CEP295: variants seen among roughly 807,000 people sequenced by gnomAD.
The protein encoded by CEP295 is centrosomal protein of 295 kDa.
CEP295 carries 190 observed loss-of-function variants against 291.6 expected under a neutral mutation model. That is an observed-to-expected ratio of 0.65 (90% CI 0.58 to 0.73). CEP295 has a LOEUF of 0.73. Among genes scored for constraint, CEP295 ranks in the 30% least tolerant of loss-of-function variants. The probability of loss-of-function intolerance (pLI) is 0.00; values close to 1 mark genes in which losing one functional copy is unlikely to be tolerated. For synonymous variants in CEP295, 993 were observed against 1,038.8 expected (o/e 0.96, Z 0.85); for missense variants, 2,863 against 2,949.4 (o/e 0.97, Z 0.68).
At chr11:93,704,882 A>C (rs1233289594) in intron 17 of CEP295, among the ~76,000 whole-genome samples, 1 of 152,182 alleles carries the variant, frequency 6.6e-6, no homozygotes, top group Non-Finnish European at 1.5e-5. Context: ...CTTTTCAAGT[A>C]TTTTAAGTAT....
intron 17 of CEP295, among the ~76,000 whole-genome samples, chr11:93,706,279 T>G (rs1372367345): frequency 6.6e-6 from 1 of 152,156 alleles, no homozygotes; most frequent in African/African-American, 2.4e-5. Context: ...AAATATAACC[T>G]TCAAAGAGGT....
At chr11:93,728,624 AG>A (rs1369948958) in intron 24 of CEP295, 56 bp from the exon 25 acceptor site, 1 of 1,436,578 alleles carries the variant, frequency 7.0e-7, no homozygotes, top group Non-Finnish European at 9.2e-7. Context: ...CAAAACGATT[AG>A]TTTAAGTCTT....
chr11:93,728,761 G>A lies in CEP295; in HGVS notation c.7242G>A (p.Met2414Ile). The change falls in exon 25 of 30, where the codon ATG (methionine) becomes ATA (isoleucine). Residue 2414 changes from methionine to isoleucine, a missense_variant. Around this residue, in one of 3 missense-constraint regions of CEP295, gnomAD observed 2,295 missense variants for 2,335.7 expected, o/e 0.98. Transcript: ENST00000325212. ...CCACTGATACCAGTATTGCTGAAAT[G>A]GATTTTGCAAATTTAACCCTAGAAG... ...ISTTDTSIAE[M>I]DFANLTLEEK... 1 of 1,550,526 alleles carries A rather than the reference G, an allele frequency of 6.4e-7. No individual in the cohort carries two copies. Among genetic ancestry groups the A allele is most frequent in the Non-Finnish European group, 8.7e-7 (1 of 1,146,630 alleles).
intron 10 of CEP295, among the ~76,000 whole-genome samples, chr11:93,688,243 A>G (rs976175252): frequency 6.6e-6 from 1 of 152,182 alleles, no homozygotes; most frequent in African/African-American, 2.4e-5. Flanking sequence ...TGATCAAAGG[A>G]TATATGAGCA....
intron 6 of CEP295, among the ~76,000 whole-genome samples, chr11:93,677,658 T>C (rs1394953942): frequency 2.0e-5 from 3 of 152,194 alleles, no homozygotes; most frequent in Non-Finnish European, 2.9e-5. Context: ...CTTTGCATTC[T>C]GAAAATATTC....
In CEP295 at chr11:93,699,655, G is replaced by C; in HGVS notation, c.4743G>C (p.Glu1581Asp). ...ATACTCTTCCCTCAAGTCATCGTGA[G>C]ATTCCAAGATTACAGGATAGACTTT... ...SNDTLPSSHR[E>D]IPRLQDRLLS... The change falls in exon 15 of 30, where the codon GAG becomes GAC. Residue 1581 changes from glutamate to aspartate, a missense_variant. Around this residue, in one of 3 missense-constraint regions of CEP295, gnomAD observed 2,295 missense variants for 2,335.7 expected, o/e 0.98. Coordinates refer to ENST00000325212, the MANE Select transcript of CEP295 (RefSeq NM_033395.2). The C allele has an allele frequency of 6.4e-7, 1 of 1,551,530 alleles. No individual in the cohort carries two copies. Among genetic ancestry groups the C allele is most frequent in the Non-Finnish European group, 8.7e-7 (1 of 1,147,030 alleles).
rs1355345798 is a variant in CEP295 at position 93,684,077 on chromosome 11, G to C, written c.1063G>C (p.Ala355Pro). The C allele has an allele frequency of 6.4e-7, 1 of 1,551,500 alleles. No individual in the cohort carries two copies. The highest frequency in any genetic ancestry group is 1.4e-5 in the African/African-American group (1 of 73,028). Reference protein sequence around the residue: ...LSMEQENLGAAEDLPVTEAEI... With the variant: ...LSMEQENLGAPEDLPVTEAEI... ...AATGGAACAAGAAAATTTGGGTGCA[G>C]CTGAAGACCTTCCAGTGACAGAAGC... Residue 355 changes from alanine to proline, a missense_variant, in exon 9 of 30, where the codon GCT becomes CCT. By Grantham distance (27) the Ala-to-Pro change is conservative. Transcript: ENST00000325212.
intron 21 of CEP295, chr11:93,723,946 C>T (rs1240276785): frequency 6.0e-6 from 1 of 166,418 alleles, no homozygotes; most frequent in African/African-American, 2.4e-5. Context: ...AACACTGAGA[C>T]CCCATCTCTA....
At chr11:93,717,974 C>CA (rs1224489282) in intron 18 of CEP295, among the ~76,000 whole-genome samples, 1 of 152,180 alleles carries the variant, frequency 6.6e-6, no homozygotes, top group Non-Finnish European at 1.5e-5. Context: ...TGCAGTGGCA[C>CA]AACCACAGCT....
In CEP295 at chr11:93,727,411, T is replaced by G. The variant is rs1332947525; in HGVS notation, c.6935T>G (p.Ile2312Arg). Residue 2312 changes from isoleucine (I) to arginine (R), a missense_variant, in exon 24 of 30, where the codon ATA (isoleucine) becomes AGA (arginine). Around this residue, in one of 3 missense-constraint regions of CEP295, gnomAD observed 2,295 missense variants for 2,335.7 expected, o/e 0.98. Transcript: ENST00000325212. ...NKNETCRVLD[I>R]NPQVEETDSR... ...AATGAAACCTGTAGGGTTTTAGACA[T>G]AAATCCACAGGTAGAGGAAACTGAC... is the stretch of plus-strand genomic sequence containing the variant. The G allele has an allele frequency of 9.7e-6, 15 of 1,551,612 alleles. No individual in the cohort carries two copies. The highest frequency in any genetic ancestry group is 9.6e-5 in the African/African-American group (7 of 73,146).
intron 18 of CEP295, among the ~76,000 whole-genome samples, chr11:93,707,120 T>C: frequency 6.7e-6 from 1 of 149,770 alleles, no homozygotes. Flanking sequence ...TTTATCAAGG[T>C]AGGAGTTTTA....
At chr11:93,661,942 G>A (rs954314526) in intron 1 of CEP295, among the ~76,000 whole-genome samples, 168 bp downstream of exon 1, 7 of 152,338 alleles carry the variant, frequency 4.6e-5, no homozygotes, top group African/African-American at 1.7e-4. Flanking sequence ...GGCCCTGCCC[G>A]CGGTCGGGCT....
intron 9 of CEP295, 46 bp downstream of exon 9, chr11:93,684,174 A>G (rs1197338886): frequency 9.3e-6 from 14 of 1,512,242 alleles, no homozygotes; most frequent in Non-Finnish European, 1.2e-5. Context: ...CACAGAAAAA[A>G]AAAATGCTAA....
intron 18 of CEP295, among the ~76,000 whole-genome samples, chr11:93,707,138 G>T (rs1188483657): frequency 6.6e-6 from 1 of 151,766 alleles, no homozygotes; most frequent in Non-Finnish European, 1.5e-5. Context: ...TTATACAATT[G>T]GCAGCATCCA....
chr11:93,707,248 T>G (rs945397659), intron 18 of CEP295, among the ~76,000 whole-genome samples: 1 of 152,204 alleles, frequency 6.6e-6, no homozygotes, highest in African/African-American at 2.4e-5. Context: ...ATAAGCTGTT[T>G]TATGTTTATT....
At chr11:93,667,352 A>G (rs924977717) in intron 2 of CEP295, among the ~76,000 whole-genome samples, 1 of 152,184 alleles carries the variant, frequency 6.6e-6, no homozygotes, top group Non-Finnish European at 1.5e-5. Context: ...TAGAGTGATA[A>G]TGGCAGTCCT....
intron 18 of CEP295, among the ~76,000 whole-genome samples, chr11:93,708,966 A>AT (rs1268669844): frequency 2.6e-5 from 4 of 151,812 alleles, no homozygotes; most frequent in Non-Finnish European, 4.4e-5. Context: ...GTCTGTTTGG[A>AT]TTTTTTGCCC....
intron 9 of CEP295, among the ~76,000 whole-genome samples, chr11:93,687,025 G>A (rs1951277070): frequency 6.6e-6 from 1 of 152,128 alleles, no homozygotes; most frequent in Admixed American, 6.5e-5. Context: ...ATTATACTGA[G>A]TTTTGGCATT....
intron 10 of CEP295, among the ~76,000 whole-genome samples, chr11:93,689,868 A>C (rs1951430208): frequency 6.6e-6 from 1 of 152,228 alleles, no homozygotes; most frequent in Non-Finnish European, 1.5e-5. Context: ...AAAGCAAGAG[A>C]GGTAAATTTG....
Sources: allele counts gnomAD v4.1 joint callset (sites outside exome capture counted in the v4.1 genomes callset), GRCh38; gene constraint gnomAD v4.1.1; regional missense constraint gnomAD v4.1.1; transcripts MANE v1.5; gene names NCBI Gene and HGNC (gene_info 2026-07-23, HGNC 2026-07-21).